The following MYCBP variants were observed in gnomAD, a reference collection of about 807,000 sequenced individuals.
The protein encoded by MYCBP is C-Myc-binding protein.
Under a neutral mutation model 16.8 loss-of-function variants are expected in MYCBP, and 5 were observed. That is an observed-to-expected ratio of 0.30 (90% confidence interval 0.16 to 0.63). MYCBP has a LOEUF of 0.63. MYCBP is among the 20% of genes least tolerant of loss of function. The pLI is 0.83. For synonymous variants in MYCBP, 35 were observed against 43.7 expected (o/e 0.80, Z 0.79); for missense variants, 103 against 121.8 (o/e 0.85, Z 0.73).
At chr1:38,865,079 TAA>T (rs1477504534) in intron 4 of MYCBP, among the ~76,000 whole-genome samples, 1 of 152,228 alleles carries the variant, frequency 6.6e-6, no homozygotes. Context: ...GAAAAGTAGA[TAA>T]AGAGTTAAGT....
intron 2 of MYCBP, among the ~76,000 whole-genome samples, chr1:38,870,189 A>AAT: frequency 6.6e-6 from 1 of 150,396 alleles, no homozygotes; most frequent in Admixed American, 6.7e-5. Flanking sequence ...AAAAAAAAAA[A>AAT]ATTAAAAATC....
At position 38,868,139 on chromosome 1, in the gene MYCBP, A is replaced by T. The variant is rs142629165; in HGVS notation, c.89-529T>A. Reference sequence around the variant, plus strand: ...AAGGGAGTGACAGGATCCACTCTTAACTGCTATGTGGACCAGCTGGAGTGG... The same window carrying T: ...AAGGGAGTGACAGGATCCACTCTTATCTGCTATGTGGACCAGCTGGAGTGG... On this transcript the variant is annotated intron_variant, in intron 2 of 4. Coordinates refer to ENST00000397572, the MANE Select transcript of MYCBP (RefSeq NM_012333.5). Among the ~76,000 whole-genome samples the T allele has an allele frequency of 6.9e-3, 1,049 of 152,338 alleles. 5 individuals carry two copies. The highest frequency in any genetic ancestry group is 0.02 in the Middle Eastern group (6 of 294).
intron 2 of MYCBP, among the ~76,000 whole-genome samples, chr1:38,868,237 A>G (rs1642380783): frequency 6.6e-6 from 1 of 152,260 alleles, no homozygotes; most frequent in Non-Finnish European, 1.5e-5. Context: ...AGCAACCTGC[A>G]GTAGAGTGAT....
chr1:38,869,421 C>A (rs942296478), intron 2 of MYCBP, among the ~76,000 whole-genome samples: 4 of 152,128 alleles, frequency 2.6e-5, no homozygotes, highest in Admixed American at 1.3e-4. Flanking sequence ...AATATTAATA[C>A]TCTACTCTCT....
At position 38,864,623 on chromosome 1, in the gene MYCBP, A is replaced by G. The variant is rs1285268943; in HGVS notation, c.*47T>C. On this transcript the variant is annotated 3_prime_UTR_variant, in exon 5 of 5. Transcript: ENST00000397572. Reference sequence around the variant, plus strand: ...AGATTATATACTATACAAACTATTCAAGTCATACAAAACCATTTTTCATTG... The same window carrying G: ...AGATTATATACTATACAAACTATTCGAGTCATACAAAACCATTTTTCATTG... 3.8e-6 allele frequency: 6 copies of G among 1,580,232 alleles called. No individual in the cohort carries two copies. The highest frequency in any genetic ancestry group is 1.7e-5 in the Admixed American group (1 of 59,954).
Position 38,866,884 on chromosome 1 carries a change from G to T in MYCBP, c.263C>A (p.Ala88Glu). The T allele has an allele frequency of 6.5e-7, 1 of 1,538,068 alleles. No individual in the cohort carries two copies. Among genetic ancestry groups the T allele is most frequent in the South Asian group, 1.2e-5 (1 of 82,324 alleles). Residue 88 changes from alanine (A) to glutamate (E), a missense_variant, in exon 4 of 5, where the codon GCA (alanine) becomes GAA (glutamate). By Grantham distance (107) the Ala-to-Glu change is moderately radical. Coordinates refer to ENST00000397572, the MANE Select transcript of MYCBP (RefSeq NM_012333.5). ...AIVEENKKLKAKLAQYEPPQE... is the reference protein window; with the variant it reads ...AIVEENKKLKEKLAQYEPPQE... ...GAATTCTTTTTAAAAATTTACCTTTGCTTTCAGTTTTTTATTTTCTTCTAC... is the reference window on the plus strand; with the variant it reads ...GAATTCTTTTTAAAAATTTACCTTTTCTTTCAGTTTTTTATTTTCTTCTAC...
chr1:38,868,045 A>G (rs1485213117), intron 2 of MYCBP, among the ~76,000 whole-genome samples: 15 of 152,254 alleles, frequency 9.9e-5, no homozygotes, highest in Middle Eastern at 3.2e-3. Flanking sequence ...GGAAGCTGGA[A>G]AGGTGGTCAT....
chr1:38,868,932 CAAAA>C lies in MYCBP; in HGVS notation c.89-1326_89-1323del, dbSNP rs1341032352. Among the ~76,000 whole-genome samples, 10 of 151,984 alleles carry C rather than the reference CAAAA, an allele frequency of 6.6e-5. No homozygotes were observed. In the East Asian group the frequency reaches 1.9e-3, roughly 29 times the overall value. On this transcript the variant is annotated intron_variant, in intron 2 of 4. Coordinates refer to ENST00000397572, the MANE Select transcript of MYCBP (RefSeq NM_012333.5). ...AAAACAAAAAAACAAAACAAACAAA[CAAAA>C]AAACAGTGATAGATATCTAGACCCC...
Position 38,863,518 on chromosome 1 carries a change from C to T in MYCBP, c.*1152G>A, listed in dbSNP as rs1233328989. 2 of 152,538 alleles carry T rather than the reference C, an allele frequency of 1.3e-5. No homozygotes were observed. The highest frequency in any genetic ancestry group is 2.9e-5 in the Non-Finnish European group (2 of 68,030). 9.4% of individuals were successfully genotyped at this position (152,538 alleles called of 1,614,324 possible). On this transcript the variant is annotated 3_prime_UTR_variant, in exon 5 of 5. Coordinates refer to ENST00000397572, the MANE Select transcript of MYCBP (RefSeq NM_012333.5). ...AACAAACAAGAATATAGTGCTTTAC[C>T]ATTTACAAATCTTTCACATACATTC...
intron 1 of MYCBP, 85 bp from the exon 2 acceptor site, chr1:38,873,175 C>T: frequency 6.4e-7 from 1 of 1,555,298 alleles, no homozygotes; most frequent in Non-Finnish European, 8.7e-7. Flanking sequence ...CCGCCTCCGC[C>T]TCACTACCTC....
chr1:38,869,414 A>G (rs1642414204), intron 2 of MYCBP, among the ~76,000 whole-genome samples: 1 of 152,082 alleles, frequency 6.6e-6, no homozygotes, highest in Non-Finnish European at 1.5e-5. Flanking sequence ...AGACATGAAT[A>G]TTAATACTCT....
chr1:38,867,700 C>T, intron 2 of MYCBP, 90 bp from the exon 3 acceptor site: 1 of 1,086,654 alleles, frequency 9.2e-7, no homozygotes, highest in Non-Finnish European at 1.4e-6. Context: ...ATATTAGGTG[C>T]CAACTATACG....
intron 3 of MYCBP, among the ~76,000 whole-genome samples, chr1:38,867,318 C>G (rs1211339060): frequency 1.3e-5 from 2 of 151,994 alleles, no homozygotes; most frequent in Admixed American, 6.6e-5. Context: ...TGATGGTGGG[C>G]ACCTGTAATC....
intron 4 of MYCBP, among the ~76,000 whole-genome samples, chr1:38,865,403 TTAGAG>T (rs1164487754): frequency 6.6e-6 from 1 of 152,192 alleles, no homozygotes; most frequent in African/African-American, 2.4e-5. Flanking sequence ...TGAGAAATAC[TTAGAG>T]TAATGTAAAA....
chr1:38,865,883 T>C (rs1415045106), intron 4 of MYCBP, among the ~76,000 whole-genome samples: 2 of 152,082 alleles, frequency 1.3e-5, no homozygotes, highest in Non-Finnish European at 2.9e-5. Context: ...CCTTGCAAAC[T>C]ATGAACCATA....
chr1:38,869,670 T>A (rs74064931), intron 2 of MYCBP, among the ~76,000 whole-genome samples: 3,439 of 152,316 alleles, frequency 0.023, 135 homozygotes, highest in African/African-American at 0.076. Flanking sequence ...TGCTTCAGCT[T>A]CCAAATGATT....
chr1:38,873,036 G>A lies in MYCBP; in HGVS notation c.70C>T (p.Leu24=). The change falls in exon 2 of 5, where the codon CTG becomes TTG. Residue 24 remains leucine, a synonymous_variant. Coordinates refer to ENST00000397572, the MANE Select transcript of MYCBP (RefSeq NM_012333.5). ...GGCTCACCCTTGGTCAGCGTGTCCA[G>A]CACCCCCGACTTCTCCAAGTACCTC... ...FRRYLEKSGV[L]DTLTKVLVAL... The A allele has an allele frequency of 6.3e-7, 1 of 1,576,510 alleles. No individual in the cohort carries two copies. The highest frequency in any genetic ancestry group is 8.6e-7 in the Non-Finnish European group (1 of 1,161,354).
intron 4 of MYCBP, among the ~76,000 whole-genome samples, chr1:38,865,935 T>C (rs938645899): frequency 2.0e-5 from 3 of 152,004 alleles, no homozygotes; most frequent in Admixed American, 6.6e-5. Context: ...TCGCCCCATA[T>C]TGGCCTACTT....
intron 3 of MYCBP, among the ~76,000 whole-genome samples, chr1:38,867,301 C>G (rs1642361893): frequency 1.3e-5 from 2 of 152,022 alleles, no homozygotes; most frequent in Admixed American, 6.6e-5. Context: ...AAAAAATTAG[C>G]TGGGTGTGAT....
Sources: allele counts gnomAD v4.1 joint callset (sites outside exome capture counted in the v4.1 genomes callset), GRCh38; gene constraint gnomAD v4.1.1; transcripts MANE v1.5; gene names NCBI Gene and HGNC (gene_info 2026-07-23, HGNC 2026-07-21).